Variants in PTPRC observed in about 807,000 individuals in gnomAD.
PTPRC encodes receptor-type tyrosine-protein phosphatase C.
In PTPRC, 44 loss-of-function variants were observed where a neutral mutation model predicts 155.9. The observed-to-expected ratio is 0.28, with a 90% CI of 0.22 to 0.36. The LOEUF is 0.36. Ranked by LOEUF, PTPRC falls within the 10% of genes least tolerant of loss-of-function variation. The pLI, the probability that PTPRC is intolerant of heterozygous loss-of-function variation, is 1.00. For missense variants in PTPRC, 1,401 were observed against 1,564.6 expected, an observed-to-expected ratio of 0.90 and a Z score of 1.76; for synonymous variants, 525 against 533.1, an observed-to-expected ratio of 0.98 and a Z score of 0.21.
chr1:198,656,653 G>GTT (rs67367377), intron 2 of PTPRC, among the ~76,000 whole-genome samples: 100 of 141,716 alleles, frequency 7.1e-4, no homozygotes, highest in Middle Eastern at 3.7e-3. Context: ...TTTGTTTTTT[G>GTT]TTTTTTTTTT....
chr1:198,731,095 C>A (rs940801144), intron 17 of PTPRC, among the ~76,000 whole-genome samples: 1 of 151,950 alleles, frequency 6.6e-6, no homozygotes, highest in Admixed American at 6.6e-5. Context: ...TAATGTGTTT[C>A]ATATACTTGA....
At position 198,639,129 on chromosome 1, in the gene PTPRC, C is replaced by T. The variant is rs553090480; in HGVS notation, c.-52C>T. 9.6e-6 allele frequency: 7 copies of T among 730,764 alleles called. No homozygotes were observed. Among genetic ancestry groups the T allele is most frequent in the African/African-American group, 8.8e-5 (5 of 56,988 alleles). The allele number at this position is 730,764 out of a possible 1,614,324, so 45.3% of individuals were successfully genotyped here. On this transcript the variant is annotated 5_prime_UTR_variant, in exon 1 of 33. Transcript: ENST00000442510. ...AATTGTTCCTCGTCTGATAAGACAA[C>T]AGTGGAGAGTATGCATTTATTTATT... is the stretch of plus-strand genomic sequence containing the variant.
chr1:198,706,633 T>G (rs1374484177), intron 8 of PTPRC, 101 bp from the exon 9 acceptor site: 24 of 1,300,460 alleles, frequency 1.8e-5, no homozygotes, highest in Non-Finnish European at 2.6e-5. Context: ...TTTCATGTTT[T>G]TTGGGGATAT....
At chr1:198,678,800 A>G (rs1665110737) in intron 2 of PTPRC, among the ~76,000 whole-genome samples, 1 of 149,404 alleles carries the variant, frequency 6.7e-6, no homozygotes, top group South Asian at 2.1e-4. Context: ...GCTTTGCTCT[A>G]TTACTGTGGG....
chr1:198,646,520 G>A (rs1662945408), intron 2 of PTPRC, among the ~76,000 whole-genome samples: 1 of 151,628 alleles, frequency 6.6e-6, no homozygotes, highest in African/African-American at 2.4e-5. Flanking sequence ...TATAATTTAT[G>A]TAATTTTTCA....
intron 2 of PTPRC, among the ~76,000 whole-genome samples, chr1:198,686,652 T>C (rs1422618651): frequency 6.6e-6 from 1 of 152,216 alleles, no homozygotes; most frequent in East Asian, 1.9e-4. Flanking sequence ...TTCCACACTT[T>C]CCCAGTATTG....
chr1:198,695,888 G>A (rs1287786414), intron 3 of PTPRC, among the ~76,000 whole-genome samples: 1 of 152,082 alleles, frequency 6.6e-6, no homozygotes, highest in South Asian at 2.1e-4. Context: ...TAGGCCAGGC[G>A]TGGTGGCTCA....
intron 11 of PTPRC, 37 bp downstream of exon 11, chr1:198,709,861 T>C (rs1456998409): frequency 2.5e-6 from 4 of 1,602,198 alleles, no homozygotes; most frequent in Non-Finnish European, 3.4e-6. Context: ...TAAAATTGCT[T>C]CTCTCTTCAT....
At chr1:198,642,966 TTC>T (rs1212293287) in intron 2 of PTPRC, among the ~76,000 whole-genome samples, 4 of 150,580 alleles carry the variant, frequency 2.7e-5, no homozygotes, top group Non-Finnish European at 4.4e-5. Context: ...CTTTCTTTCT[TTC>T]TTTTTTCTTT....
Position 198,692,346 on chromosome 1 carries a change from G to T in PTPRC, c.74-1G>T, listed in dbSNP as rs867740886. ...AAGAGATTTTTGTTTCTTCTTTGCA[G>T]GGCAAAGCCCAACACCTTCCCCCAC... On this transcript the variant is annotated splice_acceptor_variant, in intron 2 of 32. Coordinates refer to ENST00000442510, the MANE Select transcript of PTPRC (RefSeq NM_002838.5). LOFTEE classifies it high-confidence loss of function. 2 of 1,518,562 alleles carry T rather than the reference G, an allele frequency of 1.3e-6. No homozygotes were observed. Among genetic ancestry groups the T allele is most frequent in the East Asian group, 2.5e-5 (1 of 39,708 alleles). The allele number at this position is 1,518,562 out of a possible 1,614,324, so 94.1% of individuals were successfully genotyped here. A position where few individuals can be genotyped will look rare whatever the true frequency, so the allele number is the denominator to read the frequency against.
chr1:198,662,332 A>G (rs1365638127), intron 2 of PTPRC, among the ~76,000 whole-genome samples: 1 of 152,164 alleles, frequency 6.6e-6, no homozygotes, highest in Non-Finnish European at 1.5e-5. Flanking sequence ...AATCTGAGGC[A>G]TGGAAAATGT....
At chr1:198,656,646 GTTTTTTGT>G (rs964929054) in intron 2 of PTPRC, among the ~76,000 whole-genome samples, 3 of 86,512 alleles carry the variant, frequency 3.5e-5, no homozygotes, top group African/African-American at 1.5e-4. Flanking sequence ...CTAGTTTTTT[GTTTTTTGT>G]TTTTTTTTTT....
intron 2 of PTPRC, among the ~76,000 whole-genome samples, chr1:198,650,513 T>A (rs917073595): frequency 2.0e-5 from 3 of 151,834 alleles, no homozygotes; most frequent in African/African-American, 7.3e-5. Context: ...ATGACTTTTT[T>A]TCCCCATGAG....
chr1:198,729,267 A>AATGAGACTCT, intron 17 of PTPRC, 96 bp downstream of exon 17: 1 of 1,353,466 alleles, frequency 7.4e-7, no homozygotes, highest in Non-Finnish European at 9.7e-7. Context: ...TTTAAGACAG[A>AATGAGACTCT]GTCTCATTCT....
intron 22 of PTPRC, 48 bp from the exon 23 acceptor site, chr1:198,735,079 T>A: frequency 6.8e-7 from 1 of 1,465,832 alleles, no homozygotes; most frequent in Non-Finnish European, 9.2e-7. Context: ...TGATAAAAAA[T>A]TGGCTTAAAT....
intron 11 of PTPRC, among the ~76,000 whole-genome samples, chr1:198,711,842 G>C (rs7416760): frequency 0.047 from 7,224 of 152,260 alleles, 217 homozygotes; most frequent in East Asian, 0.14. Flanking sequence ...AGGATACACA[G>C]GTGGTTAATA....
chr1:198,698,936 G>GT (rs1666336039), intron 4 of PTPRC, among the ~76,000 whole-genome samples: 1 of 152,064 alleles, frequency 6.6e-6, no homozygotes, highest in South Asian at 2.1e-4. Context: ...GATTTTGTGA[G>GT]TATGCAAGAG....
intron 2 of PTPRC, among the ~76,000 whole-genome samples, chr1:198,671,414 A>G (rs1444528961): frequency 6.6e-6 from 1 of 152,098 alleles, no homozygotes; most frequent in African/African-American, 2.4e-5. Context: ...TCTCTTATTT[A>G]TCTCAGCCAT....
At chr1:198,754,562 T>A in intron 32 of PTPRC, 158 bp downstream of exon 32, 1 of 856,950 alleles carries the variant, frequency 1.2e-6, no homozygotes, top group East Asian at 2.7e-5. Flanking sequence ...TTAGCTTTTC[T>A]ACTTTTACAT....
Sources: gnomAD v4.1 joint callset for allele counts (sites outside exome capture counted in the v4.1 genomes callset) on GRCh38, gnomAD v4.1.1 for gene constraint, MANE v1.5 for transcripts, NCBI Gene and HGNC (gene_info 2026-07-23, HGNC 2026-07-21) for gene names.